The following TULP4 variants were observed in gnomAD, a reference collection of about 807,000 sequenced individuals.
TULP4 encodes TUB like protein 4.
A neutral mutation model predicts 129.0 loss-of-function variants in TULP4; 16 were observed. The ratio of observed to expected loss-of-function variants is 0.12; its 90% CI spans 0.08 to 0.19. The LOEUF (loss-of-function observed/expected upper bound fraction) is 0.19. TULP4 is among the 10% of genes least tolerant of loss of function. The pLI is 1.00. For missense variants in TULP4, 1,842 were observed against 2,059.1 expected (o/e 0.89, Z 2.04); for synonymous variants, 998 against 854.0 (o/e 1.17, Z -2.94).
At chr6:158,329,762 G>C (rs2128491368) in intron 1 of TULP4, among the ~76,000 whole-genome samples, 1 of 152,170 alleles carries the variant, frequency 6.6e-6, no homozygotes, top group East Asian at 1.9e-4. Context: ...CATGACCAAA[G>C]AGCTTTTGCT....
chr6:158,314,446 CAGTAGGCT>C (rs1779440709), intron 1 of TULP4, among the ~76,000 whole-genome samples, 178 bp downstream of exon 1: 1 of 152,108 alleles, frequency 6.6e-6, no homozygotes, highest in Non-Finnish European at 1.5e-5. Flanking sequence ...ACATAGTTCA[CAGTAGGCT>C]GCGCCTCCCC....
chr6:158,275,064 T>C (rs1263563813), intron 1 of TULP4, among the ~76,000 whole-genome samples: 4 of 152,222 alleles, frequency 2.6e-5, no homozygotes, highest in Admixed American at 6.5e-5. Context: ...TTTTAGGCTA[T>C]ATCAGCATTC....
chr6:158,272,178 A>G (rs1778564267), intron 1 of TULP4, among the ~76,000 whole-genome samples: 1 of 152,190 alleles, frequency 6.6e-6, no homozygotes, highest in Non-Finnish European at 1.5e-5. Flanking sequence ...CAAGGTGCCA[A>G]GGACCATGTG....
At chr6:158,264,361 A>G (rs567293023) in intron 1 of TULP4, among the ~76,000 whole-genome samples, 98 of 152,328 alleles carry the variant, frequency 6.4e-4, no homozygotes, top group Non-Finnish European at 1.2e-3. Context: ...GAATTTCGGA[A>G]TTTATACGTA....
At position 158,313,447 on chromosome 6, in the gene TULP4, T is replaced by G. The variant is rs1779409908; in HGVS notation, c.-570T>G. 5.0e-6 allele frequency: 2 copies of G among 398,980 alleles called. No individual in the cohort carries two copies. The highest frequency in any genetic ancestry group is 4.1e-5 in the African/African-American group (2 of 48,644). The allele number at this position is 398,980 out of a possible 1,614,324, so 24.7% of individuals were successfully genotyped here. On this transcript the variant is annotated 5_prime_UTR_variant, in exon 1 of 14. Transcript: ENST00000367097. ...TTTTTCAGCTTTAGCAGCAGAAATT[T>G]GTCTAGTTCAGGAAACATGCTAGAG...
At chr6:158,263,102 A>G (rs1381770824) in intron 1 of TULP4, among the ~76,000 whole-genome samples, 1 of 152,248 alleles carries the variant, frequency 6.6e-6, no homozygotes, top group African/African-American at 2.4e-5. Flanking sequence ...GTGGTACTTC[A>G]GAAACCTGCT....
At chr6:158,245,128 C>A (rs576994463) in intron 1 of TULP4, among the ~76,000 whole-genome samples, 1 of 151,460 alleles carries the variant, frequency 6.6e-6, no homozygotes, top group South Asian at 2.1e-4. Context: ...GCTGGGACTA[C>A]GGGCACATAT....
At chr6:158,472,721 C>G (rs1035296383) in intron 6 of TULP4, among the ~76,000 whole-genome samples, 2 of 152,154 alleles carry the variant, frequency 1.3e-5, no homozygotes, top group Non-Finnish European at 2.9e-5. Flanking sequence ...TAGGGTATTG[C>G]GTACAAAACC....
At chr6:158,403,372 T>A (rs1383270770) in intron 1 of TULP4, among the ~76,000 whole-genome samples, 1 of 152,166 alleles carries the variant, frequency 6.6e-6, no homozygotes, top group African/African-American at 2.4e-5. Flanking sequence ...GGAGTTTCGC[T>A]CTTGTTGCCC....
chr6:158,376,259 C>T (rs1331571934), intron 1 of TULP4, among the ~76,000 whole-genome samples: 1 of 152,192 alleles, frequency 6.6e-6, no homozygotes, highest in Non-Finnish European at 1.5e-5. Context: ...TCCTACTGGG[C>T]ACTTCTGGCT....
At chr6:158,301,810 A>G (rs751628375) in intron 1 of TULP4, among the ~76,000 whole-genome samples, 1 of 152,226 alleles carries the variant, frequency 6.6e-6, no homozygotes, top group African/African-American at 2.4e-5. Flanking sequence ...CTGGGACTGC[A>G]GAGATTGGAA....
Position 158,503,645 on chromosome 6 carries a change from C to G in TULP4, c.3982C>G (p.Gln1328Glu). The change falls in exon 13 of 14, where the codon CAG (glutamine) becomes GAG (glutamate). Residue 1328 changes from glutamine (Q) to glutamate (E), a missense_variant. Transcript: ENST00000367097. This position sits in a 1 kb window ranked among gnomAD's most constrained non-coding sequence, Gnocchi z 4.3. ...CTCCCTGACCGAAAGCCCAGTCCCC[C>G]AGCGGACAGAAAAATTTGGAAAGAA... is the stretch of plus-strand genomic sequence containing the variant. The part of the protein sequence containing the change: ...VLSLTESPVP[Q>E]RTEKFGKKNR... 4 of 1,614,064 alleles carry G rather than the reference C, an allele frequency of 2.5e-6. No homozygotes were observed. Among genetic ancestry groups the G allele is most frequent in the Non-Finnish European group, 3.4e-6 (4 of 1,180,028 alleles).
At chr6:158,415,012 TC>T (rs1778176028) in intron 2 of TULP4, among the ~76,000 whole-genome samples, 2 of 152,344 alleles carry the variant, frequency 1.3e-5, no homozygotes, top group Non-Finnish European at 2.9e-5. Flanking sequence ...ACTGTCATGT[TC>T]CCAAACAAGA....
chr6:158,349,641 C>A (rs1267764707), intron 1 of TULP4, among the ~76,000 whole-genome samples: 2 of 142,042 alleles, frequency 1.4e-5, no homozygotes, highest in East Asian at 4.3e-4. Flanking sequence ...GACGGGGTAG[C>A]GGCTAGGCAG....
In TULP4 at chr6:158,503,684, C is replaced by G; in HGVS notation, c.4021C>G (p.Leu1341Val). Reference sequence around the variant, plus strand: ...ATTTGGAAAGAAGAACCGGAAGCGCCTGGACAGCCGAGCAGAAGAAGGCAG... The same window carrying G: ...ATTTGGAAAGAAGAACCGGAAGCGCGTGGACAGCCGAGCAGAAGAAGGCAG... ...EKFGKKNRKRLDSRAEEGSVQ... is the reference protein window; with the variant it reads ...EKFGKKNRKRVDSRAEEGSVQ... The change falls in exon 13 of 14, where the codon CTG becomes GTG. Residue 1341 changes from leucine (L) to valine (V), a missense_variant. Around this residue, in one of 5 missense-constraint regions of TULP4, gnomAD observed 1,089 missense variants for 987.1 expected, o/e 1.10. Transcript: ENST00000367097. The surrounding 1 kb of genome is among the most constrained non-coding windows in gnomAD (Gnocchi z 4.3). The G allele has an allele frequency of 1.2e-6, 2 of 1,614,016 alleles. No individual in the cohort carries two copies. The highest frequency in any genetic ancestry group is 1.7e-6 in the Non-Finnish European group (2 of 1,180,018).
intron 2 of TULP4, among the ~76,000 whole-genome samples, chr6:158,422,127 GAA>G (rs1399486047): frequency 6.6e-6 from 1 of 152,132 alleles, no homozygotes; most frequent in Non-Finnish European, 1.5e-5. Flanking sequence ...TAATAAAAAT[GAA>G]AGTGAAAATT....
chr6:158,488,534 C>G (rs1218687173), intron 8 of TULP4, among the ~76,000 whole-genome samples: 1 of 152,040 alleles, frequency 6.6e-6, no homozygotes, highest in African/African-American at 2.4e-5. Context: ...CAGAGGGGCC[C>G]CTGTTCACAG....
At chr6:158,480,014 C>A in intron 7 of TULP4, 39 bp downstream of exon 7, 1 of 1,491,076 alleles carries the variant, frequency 6.7e-7, no homozygotes, top group Non-Finnish European at 9.2e-7. Context: ...CCTCCCTCAC[C>A]TGTGCTGGCT....
chr6:158,488,390 G>A (rs965191399), intron 8 of TULP4, among the ~76,000 whole-genome samples: 1 of 152,172 alleles, frequency 6.6e-6, no homozygotes, highest in Non-Finnish European at 1.5e-5. Context: ...ATACCACTGT[G>A]GCTTCACTGT....
Sources: gnomAD v4.1 joint callset for allele counts (sites outside exome capture counted in the v4.1 genomes callset) on GRCh38, gnomAD v4.1.1 for gene constraint, gnomAD v4.1.1 regional missense constraint, Gnocchi (gnomAD v3.1) non-coding constraint, MANE v1.5 for transcripts, NCBI Gene and HGNC (gene_info 2026-07-23, HGNC 2026-07-21) for gene names.